The following EXOC4 variants were observed in gnomAD, a reference collection of about 807,000 sequenced individuals.
EXOC4 encodes SEC8-like 1.
EXOC4 carries 71 observed loss-of-function variants against 107.2 expected under a neutral mutation model. The ratio of observed to expected loss-of-function variants is 0.66; its 90% CI spans 0.55 to 0.81. EXOC4 has a LOEUF of 0.81. Ranked by LOEUF, EXOC4 falls within the 30% of genes least tolerant of loss-of-function variation. EXOC4 has a pLI of 0.00. For synonymous variants in EXOC4, 456 were observed against 441.2 expected (o/e 1.03, Z -0.42); for missense variants, 1,108 against 1,189.6 (o/e 0.93, Z 1.01).
At chr7:133,756,972 G>T (rs531590046) in intron 10 of EXOC4, among the ~76,000 whole-genome samples, 1 of 152,316 alleles carries the variant, frequency 6.6e-6, no homozygotes, top group African/African-American at 2.4e-5. Context: ...AATGGGCAAG[G>T]TCACGATGGT....
chr7:133,827,503 C>G (rs1388121665), intron 11 of EXOC4, among the ~76,000 whole-genome samples: 1 of 152,078 alleles, frequency 6.6e-6, no homozygotes, highest in Non-Finnish European at 1.5e-5. Flanking sequence ...ATATAGCCAG[C>G]TAGGGTTTTG....
At chr7:134,069,973 T>A (rs73448455), downstream of EXOC4, among the ~76,000 whole-genome samples, 1,844 of 152,302 alleles carry the variant, frequency 0.012, 48 homozygotes, top group African/African-American at 0.043. Flanking sequence ...AGGGCAGATG[T>A]GATCAGAAGA....
chr7:133,362,279 G>A (rs1796152819), intron 6 of EXOC4, among the ~76,000 whole-genome samples: 1 of 152,150 alleles, frequency 6.6e-6, no homozygotes, highest in African/African-American at 2.4e-5. Context: ...TCTGGGATCT[G>A]AAGGAGTGAC....
intron 10 of EXOC4, among the ~76,000 whole-genome samples, chr7:133,643,286 G>A (rs1304948201): frequency 6.6e-6 from 1 of 151,218 alleles, no homozygotes; most frequent in Non-Finnish European, 1.5e-5. Flanking sequence ...TCTAGCATGG[G>A]AGAAGATGTA....
intron 10 of EXOC4, among the ~76,000 whole-genome samples, chr7:133,729,400 G>T (rs1795280512): frequency 6.6e-6 from 1 of 152,056 alleles, no homozygotes. Flanking sequence ...TTAATCAATG[G>T]GTTTGGACTC....
At chr7:133,798,348 G>T (rs1796858470) in intron 10 of EXOC4, among the ~76,000 whole-genome samples, 3 of 146,988 alleles carry the variant, frequency 2.0e-5, no homozygotes, top group African/African-American at 5.0e-5. Context: ...AGCTTTGAGG[G>T]AATTCCCACT....
rs575688091 is a variant in EXOC4 at position 133,391,421 on chromosome 7, A to T, written c.1182+16419A>T. On this transcript the variant is annotated intron_variant, in intron 7 of 17. Transcript: ENST00000253861. ...GTGCTGCACAAAACAGCATCTCGTC[A>T]CCGAGCTGGGCTGATCATTACTTTC... is the stretch of plus-strand genomic sequence containing the variant. 6.6e-5 allele frequency among the ~76,000 whole-genome samples: 10 copies of T among 152,346 alleles called. No individual in the cohort carries two copies. The East Asian group carries it at 1.9e-3, about 29-fold the overall frequency.
chr7:133,360,418 A>T (rs1472000677), intron 6 of EXOC4, among the ~76,000 whole-genome samples: 1 of 152,186 alleles, frequency 6.6e-6, no homozygotes, highest in Non-Finnish European at 1.5e-5. Flanking sequence ...GCAGGAAGGG[A>T]TGGTGGAGGT....
intron 13 of EXOC4, among the ~76,000 whole-genome samples, chr7:133,925,695 A>C (rs1305777462): frequency 2.0e-5 from 3 of 152,144 alleles, no homozygotes; most frequent in Non-Finnish European, 2.9e-5. Context: ...CTGGAGCAGA[A>C]TTTTCAGGTG....
intron 11 of EXOC4, among the ~76,000 whole-genome samples, chr7:133,827,568 T>TC (rs1489023565): frequency 6.6e-6 from 1 of 152,216 alleles, no homozygotes; most frequent in African/African-American, 2.4e-5. Context: ...CTTCAGAAAA[T>TC]CATCTGCCAC....
intron 1 of EXOC4, among the ~76,000 whole-genome samples, chr7:133,260,185 A>G (rs773466711): frequency 3.3e-5 from 5 of 151,750 alleles, no homozygotes; most frequent in Non-Finnish European, 5.9e-5. Context: ...AGTCTGTTCC[A>G]TTCATGTTTA....
At chr7:133,648,888 T>C (rs891076078) in intron 10 of EXOC4, among the ~76,000 whole-genome samples, 4 of 152,156 alleles carry the variant, frequency 2.6e-5, no homozygotes, top group Non-Finnish European at 4.4e-5. Flanking sequence ...ATTGGACATA[T>C]TTAATTTTTC....
chr7:133,620,813 A>G (rs1802311691), intron 9 of EXOC4, among the ~76,000 whole-genome samples: 1 of 152,210 alleles, frequency 6.6e-6, no homozygotes, highest in South Asian at 2.1e-4. Flanking sequence ...TTAAATCTGG[A>G]GAATCAGTTA....
At chr7:133,326,714 A>C (rs1249479665) in intron 5 of EXOC4, among the ~76,000 whole-genome samples, 1 of 152,066 alleles carries the variant, frequency 6.6e-6, no homozygotes, top group Non-Finnish European at 1.5e-5. Flanking sequence ...GTGCTGGGAG[A>C]ACCACTACAA....
chr7:133,781,255 C>T (rs1073158), intron 10 of EXOC4, among the ~76,000 whole-genome samples: 131,332 of 152,240 alleles, frequency 0.86, 56,805 homozygotes, highest in East Asian at 0.99. Flanking sequence ...TGGGTTTTCT[C>T]GTCCATTTCT....
chr7:134,017,469 T>C (rs1246545281), intron 17 of EXOC4, among the ~76,000 whole-genome samples: 2 of 152,302 alleles, frequency 1.3e-5, no homozygotes, highest in Admixed American at 1.3e-4. Flanking sequence ...TTGTACGGCC[T>C]GATCTGATGG....
In EXOC4 at chr7:133,777,482, A is replaced by G. The variant is rs116547456; in HGVS notation, c.1515-39843A>G. Among the ~76,000 whole-genome samples, 317 of 152,326 alleles carry G rather than the reference A, an allele frequency of 2.1e-3. 3 individuals are homozygous for G. The highest frequency in any genetic ancestry group is 7.3e-3 in the African/African-American group (303 of 41,568). On this transcript the variant is annotated intron_variant, in intron 10 of 17. Transcript: ENST00000253861. ...AGAAAAATACTTCCTGCAGAGGGTTATGTGAGAAGTTGCTACTCTAGAGCT... is the reference window on the plus strand; with the variant it reads ...AGAAAAATACTTCCTGCAGAGGGTTGTGTGAGAAGTTGCTACTCTAGAGCT...
chr7:134,038,762 A>C (rs1241241880), intron 17 of EXOC4, among the ~76,000 whole-genome samples: 1 of 152,186 alleles, frequency 6.6e-6, no homozygotes, highest in East Asian at 1.9e-4. Context: ...GGCTGCTCCC[A>C]GTCTGTGTCA....
At chr7:133,623,992 A>G (rs1802393515) in intron 9 of EXOC4, among the ~76,000 whole-genome samples, 1 of 152,180 alleles carries the variant, frequency 6.6e-6, no homozygotes, top group Non-Finnish European at 1.5e-5. Context: ...TGGCTCTTAG[A>G]GCCAATTAAA....
Sources: gnomAD v4.1 joint callset for allele counts (sites outside exome capture counted in the v4.1 genomes callset) on GRCh38, gnomAD v4.1.1 for gene constraint, MANE v1.5 for transcripts, NCBI Gene and HGNC (gene_info 2026-07-23, HGNC 2026-07-21) for gene names.